SLC15A5: variants seen among roughly 807,000 people sequenced by gnomAD.
The protein encoded by SLC15A5 is solute carrier family 15 member 5, also known as Peptide/histidine transporter ENSP00000340402.
SLC15A5 carries 58 observed loss-of-function variants against 56.1 expected under a neutral mutation model. That is an observed-to-expected ratio of 1.03 (90% confidence interval 0.84 to 1.29). SLC15A5 has a LOEUF of 1.29. SLC15A5 is among the 50% of genes most tolerant of loss of function. The pLI is 0.00. For missense variants in SLC15A5, 681 were observed against 672.1 expected (o/e 1.01, Z -0.15); for synonymous variants, 264 against 250.5 (o/e 1.05, Z -0.51).
chr12:16,217,062 C>T, intron 6 of SLC15A5, 38 bp from the exon 7 acceptor site: 2 of 1,507,714 alleles, frequency 1.3e-6, no homozygotes, highest in Non-Finnish European at 1.8e-6. Flanking sequence ...AGAACTTTCT[C>T]CTGAAAATGC....
chr12:16,205,618 T>C (rs61915896), intron 7 of SLC15A5, among the ~76,000 whole-genome samples: 5 of 115,286 alleles, frequency 4.3e-5, no homozygotes, highest in Non-Finnish European at 5.7e-5. Context: ...CACATATATA[T>C]ACACATATAT....
intron 7 of SLC15A5, among the ~76,000 whole-genome samples, chr12:16,211,743 G>A (rs1444388081): frequency 6.6e-6 from 1 of 152,128 alleles, no homozygotes; most frequent in Non-Finnish European, 1.5e-5. Flanking sequence ...GAAATGATTA[G>A]TGTAGGAGGA....
chr12:16,196,953 T>G lies in SLC15A5; in HGVS notation c.1484-2500A>C, dbSNP rs1348615040. On this transcript the variant is annotated intron_variant, in intron 7 of 8. Transcript: ENST00000344941. The surrounding 1 kb of genome is among the most constrained non-coding windows in gnomAD (Gnocchi z 4.0). The stretch of plus-strand genomic sequence containing the variant: ...CTGGGGATGCTGTGGAAAACAGAAA[T>G]GACAAGTACTATGACTTGGTATTTG... 6.6e-6 allele frequency among the ~76,000 whole-genome samples: 1 copy of G among 151,872 alleles called. No individual in the cohort carries two copies. The highest frequency in any genetic ancestry group is 1.5e-5 in the Non-Finnish European group (1 of 67,970).
intron 6 of SLC15A5, among the ~76,000 whole-genome samples, chr12:16,220,780 C>T (rs1864179023): frequency 6.6e-6 from 1 of 152,092 alleles, no homozygotes; most frequent in Admixed American, 6.6e-5. Context: ...ACTACTCAAC[C>T]ACAGAGATGC....
intron 7 of SLC15A5, among the ~76,000 whole-genome samples, chr12:16,207,665 A>G (rs1223566234): frequency 1.3e-5 from 2 of 148,310 alleles, no homozygotes; most frequent in Non-Finnish European, 3.0e-5. Context: ...TTTTTTTTTG[A>G]GACGGAGTTT....
chr12:16,218,706 C>T lies in SLC15A5; in HGVS notation c.1352-1682G>A, dbSNP rs1475251741. 3.3e-5 allele frequency among the ~76,000 whole-genome samples: 5 copies of T among 152,090 alleles called. No individual in the cohort carries two copies. In the South Asian group the frequency reaches 6.2e-4, roughly 19 times the overall value. On this transcript the variant is annotated intron_variant, in intron 6 of 8. Coordinates refer to ENST00000344941, the MANE Select transcript of SLC15A5 (RefSeq NM_001170798.1). The stretch of plus-strand genomic sequence containing the variant: ...AATCTTATGAAACTGCCGTCATATA[C>T]GTGATCCATCATTGATCAAAATGTT...
chr12:16,193,509 A>G (rs1863858800), intron 8 of SLC15A5, among the ~76,000 whole-genome samples: 1 of 151,982 alleles, frequency 6.6e-6, no homozygotes, highest in African/African-American at 2.4e-5. Context: ...TTGTTAGGTT[A>G]ATAAAATAAT....
intron 2 of SLC15A5, among the ~76,000 whole-genome samples, chr12:16,263,970 G>A (rs754393012): frequency 6.6e-6 from 1 of 152,240 alleles, no homozygotes; most frequent in Non-Finnish European, 1.5e-5. Context: ...CTGGGGCAGT[G>A]TGGAACAGAA....
chr12:16,226,245 A>G (rs919520957), intron 5 of SLC15A5, among the ~76,000 whole-genome samples: 2 of 152,204 alleles, frequency 1.3e-5, no homozygotes, highest in Non-Finnish European at 2.9e-5. Flanking sequence ...CAGTTGTTAT[A>G]CTATATTGTT....
intron 7 of SLC15A5, among the ~76,000 whole-genome samples, chr12:16,209,373 T>G (rs777963749): frequency 4.6e-5 from 7 of 152,122 alleles, no homozygotes; most frequent in Non-Finnish European, 1.0e-4. Context: ...CCATCCAACC[T>G]CTAATGTTGG....
At chr12:16,239,590 C>T (rs997527122) in intron 5 of SLC15A5, 91 bp downstream of exon 5, 1 of 1,271,168 alleles carries the variant, frequency 7.9e-7, no homozygotes, top group South Asian at 1.5e-5. Flanking sequence ...TCTGACACTA[C>T]TCAGGAGCAT....
At chr12:16,217,101 G>C in intron 6 of SLC15A5, 77 bp from the exon 7 acceptor site, 1 of 1,398,550 alleles carries the variant, frequency 7.2e-7, no homozygotes, top group Non-Finnish European at 9.3e-7. Flanking sequence ...AATTGATGTT[G>C]ATCATGTATC....
chr12:16,213,851 G>A (rs561761798), intron 7 of SLC15A5, among the ~76,000 whole-genome samples: 11 of 152,222 alleles, frequency 7.2e-5, no homozygotes, highest in Non-Finnish European at 1.6e-4. Context: ...GCACCAAATT[G>A]TGCCAGAATT....
At chr12:16,201,927 T>A (rs1863961322) in intron 7 of SLC15A5, among the ~76,000 whole-genome samples, 1 of 152,110 alleles carries the variant, frequency 6.6e-6, no homozygotes, top group African/African-American at 2.4e-5. Context: ...AGAATGAAAT[T>A]GGACACTTAT....
At chr12:16,263,821 G>A (rs1328610030) in intron 2 of SLC15A5, among the ~76,000 whole-genome samples, 1 of 152,188 alleles carries the variant, frequency 6.6e-6, no homozygotes, top group African/African-American at 2.4e-5. Flanking sequence ...GCTTCCATGT[G>A]TTGTTGAGCC....
At chr12:16,266,027 T>C (rs1380041636) in intron 2 of SLC15A5, among the ~76,000 whole-genome samples, 1 of 152,132 alleles carries the variant, frequency 6.6e-6, no homozygotes, top group Non-Finnish European at 1.5e-5. Context: ...CTAAAACCTC[T>C]CAATAATTGG....
chr12:16,226,301 A>G (rs1040465034), intron 5 of SLC15A5, among the ~76,000 whole-genome samples: 1 of 152,206 alleles, frequency 6.6e-6, no homozygotes, highest in Non-Finnish European at 1.5e-5. Flanking sequence ...TTCAATACAG[A>G]TGCAACCAAC....
intron 4 of SLC15A5, among the ~76,000 whole-genome samples, chr12:16,244,008 T>A (rs1386569240): frequency 6.6e-6 from 1 of 152,216 alleles, no homozygotes. Context: ...ATTAAAAAAA[T>A]TTAAAATCAC....
chr12:16,246,585 A>ACTG (rs1864463567), intron 3 of SLC15A5, among the ~76,000 whole-genome samples: 1 of 152,180 alleles, frequency 6.6e-6, no homozygotes, highest in Admixed American at 6.5e-5. Flanking sequence ...ACACTGATCC[A>ACTG]AATTAACTTT....
Sources: gnomAD v4.1 joint callset for allele counts (sites outside exome capture counted in the v4.1 genomes callset) on GRCh38, gnomAD v4.1.1 for gene constraint, Gnocchi (gnomAD v3.1) non-coding constraint, MANE v1.5 for transcripts, NCBI Gene and HGNC (gene_info 2026-07-23, HGNC 2026-07-21) for gene names.